The following BICC1 variants were observed in gnomAD, a reference collection of about 807,000 sequenced individuals.
BICC1 encodes protein bicaudal C homolog 1.
Under a neutral mutation model 111.0 loss-of-function variants are expected in BICC1, and 43 were observed. The ratio of observed to expected loss-of-function variants is 0.39; its 90% CI spans 0.30 to 0.50. BICC1 has a LOEUF of 0.50. Ranked by LOEUF, BICC1 falls within the 20% of genes least tolerant of loss-of-function variation. The pLI, the probability that BICC1 is intolerant of heterozygous loss-of-function variation, is 0.88. For missense variants in BICC1, 1,091 were observed against 1,203.2 expected (o/e 0.91, Z 1.38); for synonymous variants, 467 against 434.4 (o/e 1.07, Z -0.93).
intron 3 of BICC1, among the ~76,000 whole-genome samples, chr10:58,770,466 A>C (rs949676612): frequency 2.0e-4 from 31 of 152,110 alleles, no homozygotes; most frequent in African/African-American, 7.5e-4. Flanking sequence ...AAACATATCA[A>C]ATGTCAAATA....
At chr10:58,787,208 G>T in intron 5 of BICC1, 127 bp downstream of exon 5, 1 of 804,964 alleles carries the variant, frequency 1.2e-6, no homozygotes, top group African/African-American at 1.8e-5. Context: ...ATACAGTGTA[G>T]ATTGTACAAC....
intron 18 of BICC1, 83 bp from the exon 19 acceptor site, chr10:58,817,479 T>C: frequency 6.9e-7 from 1 of 1,454,866 alleles, no homozygotes; most frequent in Non-Finnish European, 9.6e-7. Flanking sequence ...GAAGTTGAAA[T>C]ATTTAGGTGA....
chr10:58,789,675 C>G lies in BICC1; in HGVS notation c.796-7C>G. 2 of 1,613,968 alleles carry G rather than the reference C, an allele frequency of 1.2e-6. No individual in the cohort carries two copies. Among genetic ancestry groups the G allele is most frequent in the Non-Finnish European group, 1.7e-6 (2 of 1,179,890 alleles). On this transcript the variant is annotated splice_region_variant and splice_polypyrimidine_tract_variant and intron_variant, in intron 7 of 20. Coordinates refer to ENST00000373886, the MANE Select transcript of BICC1 (RefSeq NM_001080512.3). ...AGGATTATTTCTTTCCCACCCTTTT[C>G]TCTTAGGAAGGAACTGCCATGCTGT...
chr10:58,789,083 T>A (rs1843097309), intron 6 of BICC1, among the ~76,000 whole-genome samples, 179 bp from the exon 7 acceptor site: 1 of 151,750 alleles, frequency 6.6e-6, no homozygotes, highest in Non-Finnish European at 1.5e-5. Flanking sequence ...GGAGCAAGAC[T>A]CTGACTCAAA....
chr10:58,519,332 C>T (rs1842330726), intron 1 of BICC1, among the ~76,000 whole-genome samples: 1 of 152,160 alleles, frequency 6.6e-6, no homozygotes, highest in South Asian at 2.1e-4. Context: ...ACTTCTTTGG[C>T]CACCTTTTGC....
intron 20 of BICC1, among the ~76,000 whole-genome samples, chr10:58,826,791 G>A (rs927024607): frequency 1.3e-5 from 2 of 152,030 alleles, no homozygotes; most frequent in African/African-American, 2.4e-5. Flanking sequence ...ACAAACACCC[G>A]AATTTCAGAC....
At chr10:58,649,862 A>T (rs113287295) in intron 2 of BICC1, among the ~76,000 whole-genome samples, 4 of 342 alleles carry the variant, frequency 0.012, no homozygotes, top group Non-Finnish European at 0.17. Context: ...ATTTGGATTC[A>T]GGGGGTCTGG....
intron 3 of BICC1, among the ~76,000 whole-genome samples, chr10:58,734,331 A>T (rs549441683): frequency 1.1e-4 from 17 of 152,374 alleles, no homozygotes; most frequent in Admixed American, 4.6e-4. Context: ...CTTTCTGGTT[A>T]GAATGAGATT....
chr10:58,780,093 G>T (rs2132761243), intron 3 of BICC1, among the ~76,000 whole-genome samples: 1 of 152,280 alleles, frequency 6.6e-6, no homozygotes, highest in African/African-American at 2.4e-5. Context: ...CCCAGGTAAT[G>T]CCCGTCTTGA....
At chr10:58,673,372 T>C (rs1429314451) in intron 2 of BICC1, among the ~76,000 whole-genome samples, 1 of 152,222 alleles carries the variant, frequency 6.6e-6, no homozygotes, top group East Asian at 1.9e-4. Context: ...ATTCCTACCA[T>C]GTGCAAGGGG....
intron 2 of BICC1, among the ~76,000 whole-genome samples, chr10:58,688,890 G>C (rs374840559): frequency 6.6e-6 from 1 of 152,062 alleles, no homozygotes; most frequent in African/African-American, 2.4e-5. Context: ...GGAGTGGGGG[G>C]CTAGGGGAGG....
At chr10:58,648,360 G>GT (rs1289829884) in intron 2 of BICC1, among the ~76,000 whole-genome samples, 1 of 152,164 alleles carries the variant, frequency 6.6e-6, no homozygotes, top group Admixed American at 6.5e-5. Flanking sequence ...ATCCTTCAGT[G>GT]TTTTTTGTGT....
chr10:58,790,442 A>C (rs556716765), intron 8 of BICC1, among the ~76,000 whole-genome samples: 13 of 152,354 alleles, frequency 8.5e-5, no homozygotes, highest in African/African-American at 3.1e-4. Flanking sequence ...TCACTTATTG[A>C]AGGAAGAAAA....
At chr10:58,824,588 A>T (rs1267822967) in intron 20 of BICC1, among the ~76,000 whole-genome samples, 1 of 152,022 alleles carries the variant, frequency 6.6e-6, no homozygotes, top group East Asian at 1.9e-4. Context: ...GTCTGTTACA[A>T]CCTGAATCTG....
chr10:58,732,403 A>G (rs1421967808), intron 3 of BICC1, among the ~76,000 whole-genome samples: 8 of 6,598 alleles, frequency 1.2e-3, no homozygotes, highest in Admixed American at 2.8e-3. Flanking sequence ...ATATATATAT[A>G]TATATATATA....
At chr10:58,823,973 TGC>T (rs1450259937) in intron 20 of BICC1, 6 of 985,458 alleles carry the variant, frequency 6.1e-6, no homozygotes, top group Non-Finnish European at 6.0e-6. Flanking sequence ...TCTGTATGCA[TGC>T]CTGCATGTGT....
At chr10:58,516,181 C>A (rs1267132916) in intron 1 of BICC1, among the ~76,000 whole-genome samples, 1 of 152,060 alleles carries the variant, frequency 6.6e-6, no homozygotes, top group Non-Finnish European at 1.5e-5. Flanking sequence ...TACAGGTTTC[C>A]AATTTAAATC....
chr10:58,577,143 T>A (rs919796214), intron 1 of BICC1, among the ~76,000 whole-genome samples: 4 of 152,132 alleles, frequency 2.6e-5, no homozygotes, highest in African/African-American at 9.7e-5. Flanking sequence ...GTGCTGGGTT[T>A]CCCTGAGCAC....
intron 19 of BICC1, among the ~76,000 whole-genome samples, chr10:58,819,879 C>G (rs980550823): frequency 1.4e-4 from 22 of 152,248 alleles, no homozygotes; most frequent in Middle Eastern, 6.8e-3. Flanking sequence ...TTTTGTGTCC[C>G]TTTCAGTGAT....
Sources: allele counts gnomAD v4.1 joint callset (sites outside exome capture counted in the v4.1 genomes callset), GRCh38; gene constraint gnomAD v4.1.1; transcripts MANE v1.5; gene names NCBI Gene and HGNC (gene_info 2026-07-23, HGNC 2026-07-21).